Variants in GLIS3 observed in about 807,000 individuals in gnomAD.
The protein encoded by GLIS3 is GLIS family zinc finger 3.
In GLIS3, 53 loss-of-function variants were observed where a neutral mutation model predicts 78.6. The observed-to-expected ratio is 0.67, with a 90% CI of 0.54 to 0.85. The LOEUF is 0.85. Ranked by LOEUF, GLIS3 falls within the 40% of genes least tolerant of loss-of-function variation. The pLI, the probability that GLIS3 is intolerant of heterozygous loss-of-function variation, is 0.00. For missense variants in GLIS3, 1,703 were observed against 1,231.1 expected (o/e 1.38, Z -5.74); for synonymous variants, 684 against 509.9 (o/e 1.34, Z -4.60).
the GLIS3 span, among the ~76,000 whole-genome samples, chr9:4,362,019 G>A: frequency 6.6e-6 from 1 of 152,182 alleles, no homozygotes; most frequent in African/African-American, 2.4e-5. Context: ...CCTTTCCCTA[G>A]ATTAGCAAAA....
intron 2 of GLIS3, among the ~76,000 whole-genome samples, chr9:4,189,898 G>C (rs1818172649): frequency 6.6e-6 from 1 of 151,862 alleles, no homozygotes; most frequent in African/African-American, 2.4e-5. Context: ...GTCTGCACGT[G>C]TGCTGCTGAT....
the GLIS3 span, among the ~76,000 whole-genome samples, chr9:4,397,374 C>G: frequency 6.6e-6 from 1 of 151,672 alleles, no homozygotes; most frequent in Non-Finnish European, 1.5e-5. Flanking sequence ...GGTTTTTAAC[C>G]TATTGCAAGT....
chr9:4,381,143 G>T, the GLIS3 span, among the ~76,000 whole-genome samples: 15 of 152,324 alleles, frequency 9.8e-5, no homozygotes, highest in East Asian at 2.9e-3. Flanking sequence ...CAGTAAAAAT[G>T]TGAATGACTT....
rs73641404 is a variant in GLIS3, at chr9:4,294,027, G to C, written c.-99+5394C>G. Reference sequence around the variant, plus strand: ...TCTGTTAATTCTACAAACCGCCTTAGAGTCCAGCTCGATGGTCTTTTCCCT... The same window carrying C: ...TCTGTTAATTCTACAAACCGCCTTACAGTCCAGCTCGATGGTCTTTTCCCT... On this transcript the variant is annotated intron_variant, in intron 1 of 10. Coordinates refer to ENST00000381971, the MANE Select transcript of GLIS3 (RefSeq NM_001042413.2). Among the ~76,000 whole-genome samples, 682 of 152,230 alleles carry C rather than the reference G, an allele frequency of 4.5e-3. 10 individuals are homozygous for C. Among genetic ancestry groups the C allele is most frequent in the African/African-American group, 0.016 (647 of 41,534 alleles).
At chr9:4,432,365 G>C in the GLIS3 span, among the ~76,000 whole-genome samples, 1 of 152,136 alleles carries the variant, frequency 6.6e-6, no homozygotes, top group African/African-American at 2.4e-5. Context: ...ACAGAAGTGG[G>C]GGGACAGCAT....
chr9:3,845,018 G>T (rs752812375), intron 9 of GLIS3, among the ~76,000 whole-genome samples: 7 of 151,990 alleles, frequency 4.6e-5, no homozygotes, highest in Non-Finnish European at 1.0e-4. Flanking sequence ...CAGTAATCCA[G>T]CATTTTCTCT....
chr9:3,933,956 T>G (rs1825755992), intron 5 of GLIS3, among the ~76,000 whole-genome samples: 1 of 152,238 alleles, frequency 6.6e-6, no homozygotes, highest in African/African-American at 2.4e-5. Context: ...GTTCATTGAT[T>G]GACTGACTGT....
intron 4 of GLIS3, among the ~76,000 whole-genome samples, chr9:4,019,818 G>A (rs1306613168): frequency 3.3e-5 from 5 of 152,062 alleles, no homozygotes; most frequent in South Asian, 2.1e-4. Flanking sequence ...CTGTAACCTC[G>A]AAATCCTGGG....
chr9:3,854,513 C>G (rs1252252662), intron 9 of GLIS3, among the ~76,000 whole-genome samples: 1 of 149,040 alleles, frequency 6.7e-6, no homozygotes, highest in Non-Finnish European at 1.5e-5. Context: ...ATCACCTCGT[C>G]TTTGCTGTTC....
At chr9:4,326,652 G>T (rs541082313) in intron 2 of GLIS3, among the ~76,000 whole-genome samples, 2 of 151,874 alleles carry the variant, frequency 1.3e-5, no homozygotes, top group Non-Finnish European at 2.9e-5. Flanking sequence ...TGTTCTTAAC[G>T]TCATGAAACT....
intron 4 of GLIS3, among the ~76,000 whole-genome samples, chr9:3,963,453 C>T (rs1018768804): frequency 1.3e-5 from 2 of 152,112 alleles, no homozygotes; most frequent in Admixed American, 6.5e-5. Context: ...AACTCTGCAT[C>T]CTTCCGAAGT....
At chr9:4,378,868 C>A in the GLIS3 span, among the ~76,000 whole-genome samples, 1 of 152,138 alleles carries the variant, frequency 6.6e-6, no homozygotes, top group Admixed American at 6.5e-5. Flanking sequence ...GCATGGCCGA[C>A]CTGGAGACTG....
At chr9:4,330,942 GCTTCA>G (rs970725378) in intron 2 of GLIS3, among the ~76,000 whole-genome samples, 3 of 152,172 alleles carry the variant, frequency 2.0e-5, no homozygotes, top group African/African-American at 7.2e-5. Context: ...CATTAGCTGT[GCTTCA>G]CTTTGCTGTG....
chr9:4,362,583 G>C, the GLIS3 span, among the ~76,000 whole-genome samples: 1 of 152,168 alleles, frequency 6.6e-6, no homozygotes. Flanking sequence ...AGTTGCTCAT[G>C]GTCATGTGTT....
intron 2 of GLIS3, among the ~76,000 whole-genome samples, chr9:4,209,062 A>G (rs1448917574): frequency 1.3e-5 from 2 of 152,218 alleles, no homozygotes; most frequent in Non-Finnish European, 2.9e-5. Context: ...CATAAGATAT[A>G]TATAAAAGTG....
At chr9:4,122,802 A>G (rs1407756652) in intron 3 of GLIS3, among the ~76,000 whole-genome samples, 3 of 152,208 alleles carry the variant, frequency 2.0e-5, no homozygotes, top group Admixed American at 6.5e-5. Flanking sequence ...AAACTGCTGT[A>G]TGATGTTACT....
At chr9:4,236,026 C>CT (rs1822701467) in intron 2 of GLIS3, among the ~76,000 whole-genome samples, 1 of 151,980 alleles carries the variant, frequency 6.6e-6, no homozygotes, top group Non-Finnish European at 1.5e-5. Flanking sequence ...ACACAACACT[C>CT]TACACAAACC....
chr9:4,086,957 G>A (rs1411858791), intron 4 of GLIS3, among the ~76,000 whole-genome samples: 1 of 152,118 alleles, frequency 6.6e-6, no homozygotes, highest in Non-Finnish European at 1.5e-5. Flanking sequence ...GACGGCAGAG[G>A]CTCCCTACTC....
the GLIS3 span, among the ~76,000 whole-genome samples, chr9:4,379,264 A>G: frequency 2.0e-5 from 3 of 152,176 alleles, no homozygotes; most frequent in Admixed American, 6.5e-5. Flanking sequence ...TTTGCTGGCT[A>G]TGGGTCTCTT....
Sources: allele counts gnomAD v4.1 joint callset (sites outside exome capture counted in the v4.1 genomes callset), GRCh38; gene constraint gnomAD v4.1.1; transcripts MANE v1.5; gene names NCBI Gene and HGNC (gene_info 2026-07-23, HGNC 2026-07-21).